The following SORCS2 variants were observed in gnomAD, a reference collection of about 807,000 sequenced individuals.
SORCS2 encodes the protein sortilin related VPS10 domain containing receptor 2, also known as VPS10 domain-containing receptor SorCS2.
Under a neutral mutation model 141.6 loss-of-function variants are expected in SORCS2, and 100 were observed. The ratio of observed to expected loss-of-function variants is 0.71; its 90% CI spans 0.60 to 0.83. The LOEUF is 0.83. SORCS2 is among the 40% of genes least tolerant of loss of function. The pLI is 0.00. For missense variants in SORCS2, 1,646 were observed against 1,560.2 expected (o/e 1.05, Z -0.93); for synonymous variants, 789 against 676.9 (o/e 1.17, Z -2.57).
intron 12 of SORCS2, among the ~76,000 whole-genome samples, chr4:7,698,579 G>A (rs980904296): frequency 2.6e-5 from 4 of 152,238 alleles, no homozygotes; most frequent in African/African-American, 9.6e-5. Context: ...TGAAATAGAA[G>A]GTGTTCTGAT....
At chr4:7,253,551 A>C (rs936645250) in intron 1 of SORCS2, among the ~76,000 whole-genome samples, 23 of 152,118 alleles carry the variant, frequency 1.5e-4, no homozygotes, top group Non-Finnish European at 3.2e-4. Context: ...GCCGGGGCGG[A>C]GGAGGTGTCC....
intron 3 of SORCS2, among the ~76,000 whole-genome samples, chr4:7,611,350 G>C (rs1453941651): frequency 6.6e-6 from 1 of 152,172 alleles, no homozygotes; most frequent in African/African-American, 2.4e-5. Context: ...GAGATGAGTG[G>C]GGTTGGGTGC....
At chr4:7,382,593 C>G (rs1406290477) in intron 1 of SORCS2, among the ~76,000 whole-genome samples, 1 of 152,162 alleles carries the variant, frequency 6.6e-6, no homozygotes, top group East Asian at 1.9e-4. Context: ...TGCTGACATG[C>G]CTGTATGTTT....
intron 2 of SORCS2, among the ~76,000 whole-genome samples, chr4:7,418,710 C>CCA (rs1553859468): frequency 1.7e-5 from 2 of 118,464 alleles, no homozygotes; most frequent in South Asian, 3.3e-4. Flanking sequence ...TGACCCCCCC[C>CCA]CCCACCAGAT....
In SORCS2 at chr4:7,654,222, C is replaced by T; in HGVS notation, c.887+15C>T. 6.4e-7 allele frequency: 1 copy of T among 1,565,336 alleles called. No homozygotes were observed. Among genetic ancestry groups the T allele is most frequent in the Admixed American group, 1.9e-5 (1 of 52,890 alleles). On this transcript the variant is annotated intron_variant, in intron 5 of 26. Coordinates refer to ENST00000507866, the MANE Select transcript of SORCS2 (RefSeq NM_020777.3). Reference sequence around the variant, plus strand: ...CACGTGTTCTGGTGAGAGCACTTCCCCACCCCAAACCCATGGGGCCCGCAG... The same window carrying T: ...CACGTGTTCTGGTGAGAGCACTTCCTCACCCCAAACCCATGGGGCCCGCAG...
chr4:7,381,402 G>A (rs772516294), intron 1 of SORCS2, among the ~76,000 whole-genome samples: 35 of 152,184 alleles, frequency 2.3e-4, no homozygotes, highest in African/African-American at 7.2e-4. Flanking sequence ...CCAAAGCCAC[G>A]CAGTGTTAGA....
intron 1 of SORCS2, chr4:7,381,878 G>C: frequency 1.0e-6 from 1 of 985,516 alleles, no homozygotes; most frequent in South Asian, 4.7e-5. Context: ...CAGTGGGGCA[G>C]GCCACAGCCT....
At chr4:7,609,106 G>A (rs191194628) in intron 3 of SORCS2, among the ~76,000 whole-genome samples, 1 of 152,188 alleles carries the variant, frequency 6.6e-6, no homozygotes, top group African/African-American at 2.4e-5. Context: ...AAGGGTTAAG[G>A]GCACAGGCGT....
At chr4:7,322,680 G>A (rs1042490466) in intron 1 of SORCS2, among the ~76,000 whole-genome samples, 2 of 152,184 alleles carry the variant, frequency 1.3e-5, no homozygotes, top group Admixed American at 6.5e-5. Flanking sequence ...CCCCTAAGCC[G>A]TCCCTGGGCT....
chr4:7,569,857 A>T (rs1193657395), intron 3 of SORCS2, among the ~76,000 whole-genome samples: 1 of 152,162 alleles, frequency 6.6e-6, no homozygotes, highest in Non-Finnish European at 1.5e-5. Flanking sequence ...GCCCAAATAA[A>T]TGTCCTTCGG....
intron 3 of SORCS2, among the ~76,000 whole-genome samples, chr4:7,584,938 A>G (rs73214689): frequency 0.014 from 2,077 of 152,240 alleles, 16 homozygotes; most frequent in Middle Eastern, 0.024. Context: ...ACATTGCAAA[A>G]CACAAAGGGG....
chr4:7,302,900 C>A (rs1373672600), intron 1 of SORCS2, among the ~76,000 whole-genome samples: 1 of 152,056 alleles, frequency 6.6e-6, no homozygotes, highest in African/African-American at 2.4e-5. Flanking sequence ...CTAATTAGCA[C>A]CTCAAAGTTC....
intron 2 of SORCS2, among the ~76,000 whole-genome samples, chr4:7,489,950 G>A (rs981390579): frequency 2.0e-5 from 3 of 152,222 alleles, no homozygotes; most frequent in African/African-American, 7.2e-5. Flanking sequence ...GTGAATGCCA[G>A]GCTGGGTTCT....
At chr4:7,232,164 G>T (rs1161807518) in intron 1 of SORCS2, among the ~76,000 whole-genome samples, 4 of 152,212 alleles carry the variant, frequency 2.6e-5, no homozygotes, top group African/African-American at 9.7e-5. Context: ...AATGGAGGCT[G>T]CGGGCCCTGG....
At chr4:7,537,905 G>C (rs1021261287) in intron 3 of SORCS2, among the ~76,000 whole-genome samples, 6 of 152,074 alleles carry the variant, frequency 3.9e-5, no homozygotes, top group African/African-American at 1.4e-4. Context: ...AAGATGGATT[G>C]AGCCCAAGAG....
chr4:7,272,874 C>T (rs1195696696), intron 1 of SORCS2, among the ~76,000 whole-genome samples: 2 of 152,270 alleles, frequency 1.3e-5, no homozygotes, highest in African/African-American at 4.8e-5. Flanking sequence ...ACTTTCCCCA[C>T]CAGCACAGGC....
intron 3 of SORCS2, among the ~76,000 whole-genome samples, chr4:7,560,535 T>A (rs1406663403): frequency 1.3e-5 from 2 of 152,074 alleles, no homozygotes; most frequent in Non-Finnish European, 2.9e-5. Flanking sequence ...GGAGAAGTGC[T>A]CGTAGGGTGT....
chr4:7,465,490 A>G (rs4234813), intron 2 of SORCS2, among the ~76,000 whole-genome samples: 134,335 of 152,140 alleles, frequency 0.88, 59,541 homozygotes, highest in African/African-American at 0.95. Flanking sequence ...GGGCACAGGC[A>G]CTGTGAGGAG....
At chr4:7,719,640 G>A (rs1325598196) in intron 18 of SORCS2, among the ~76,000 whole-genome samples, 1 of 152,202 alleles carries the variant, frequency 6.6e-6, no homozygotes, top group Non-Finnish European at 1.5e-5. Flanking sequence ...GCATCTTGGG[G>A]CGGCAGGAGG....
Sources: gnomAD v4.1 joint callset for allele counts (sites outside exome capture counted in the v4.1 genomes callset) on GRCh38, gnomAD v4.1.1 for gene constraint, MANE v1.5 for transcripts, NCBI Gene and HGNC (gene_info 2026-07-23, HGNC 2026-07-21) for gene names.